HECW2: variants seen among roughly 807,000 people sequenced by gnomAD.
HECW2 encodes E3 ubiquitin-protein ligase HECW2.
Under a neutral mutation model 175.2 loss-of-function variants are expected in HECW2, and 61 were observed. The observed-to-expected ratio is 0.35, with a 90% CI of 0.28 to 0.43. The LOEUF (loss-of-function observed/expected upper bound fraction) is 0.43. HECW2 is among the 20% of genes least tolerant of loss of function. The probability of loss-of-function intolerance (pLI) is 1.00; values close to 1 mark genes in which losing one functional copy is unlikely to be tolerated. For missense variants in HECW2, 1,524 were observed against 2,000.5 expected (o/e 0.76, Z 4.54); for synonymous variants, 671 against 731.0 (o/e 0.92, Z 1.32).
intron 12 of HECW2, 40 bp downstream of exon 12, chr2:196,307,089 CA>C: frequency 7.2e-7 from 1 of 1,386,442 alleles, no homozygotes; most frequent in Non-Finnish European, 1.0e-6. Context: ...CTTCTTTTTC[CA>C]CTTTTATGAA....
intron 1 of HECW2, among the ~76,000 whole-genome samples, chr2:196,521,554 C>T (rs1207693084): frequency 6.6e-6 from 1 of 150,450 alleles, no homozygotes; most frequent in Admixed American, 6.6e-5. Flanking sequence ...CATATGTATA[C>T]ATGTGCCATG....
At chr2:196,344,322 G>GAAAAAAAAAAAAAAAA (rs60573890) in intron 2 of HECW2, among the ~76,000 whole-genome samples, 2 of 67,630 alleles carry the variant, frequency 3.0e-5, no homozygotes, top group Middle Eastern at 0.012. Flanking sequence ...GACAAGATAA[G>GAAAAAAAAAAAAAAAA]AAAAAAAAAA....
At chr2:196,225,974 C>A in intron 22 of HECW2, 104 bp from the exon 23 acceptor site, 1 of 700,564 alleles carries the variant, frequency 1.4e-6, no homozygotes, top group Non-Finnish European at 2.6e-6. Flanking sequence ...CTAAATTTTT[C>A]CAATATTAAT....
At chr2:196,227,294 G>A (rs1317488455) in intron 22 of HECW2, among the ~76,000 whole-genome samples, 1 of 132,186 alleles carries the variant, frequency 7.6e-6, no homozygotes, top group Non-Finnish European at 1.7e-5. Context: ...TGCTGTCAGG[G>A]AAAATGAACA....
chr2:196,447,143 T>C (rs1404594259), intron 1 of HECW2, among the ~76,000 whole-genome samples: 1 of 152,050 alleles, frequency 6.6e-6, no homozygotes, highest in Non-Finnish European at 1.5e-5. Context: ...CTTCAAATAC[T>C]GGGATAAAAA....
At chr2:196,256,617 T>C (rs1451878731) in intron 18 of HECW2, among the ~76,000 whole-genome samples, 3 of 152,246 alleles carry the variant, frequency 2.0e-5, no homozygotes, top group Non-Finnish European at 2.9e-5. Flanking sequence ...TAGCTTTCTA[T>C]AGTGAAGAAA....
chr2:196,206,183 T>G (rs889449434), intron 28 of HECW2, among the ~76,000 whole-genome samples: 1 of 152,228 alleles, frequency 6.6e-6, no homozygotes, highest in Non-Finnish European at 1.5e-5. Context: ...TTTCAAATCT[T>G]TCAAAGCCAG....
chr2:196,243,129 G>T (rs542805465), intron 19 of HECW2, among the ~76,000 whole-genome samples: 1 of 151,552 alleles, frequency 6.6e-6, no homozygotes, highest in East Asian at 1.9e-4. Context: ...CACAAAGTGC[G>T]CACTTGCACA....
chr2:196,365,049 GATT>G (rs1349345993), intron 2 of HECW2, among the ~76,000 whole-genome samples: 1 of 152,192 alleles, frequency 6.6e-6, no homozygotes, highest in Non-Finnish European at 1.5e-5. Flanking sequence ...AAGCCCACCT[GATT>G]ATTACAGTTT....
intron 1 of HECW2, among the ~76,000 whole-genome samples, chr2:196,434,727 C>A (rs536637170): frequency 2.0e-5 from 3 of 152,286 alleles, no homozygotes; most frequent in South Asian, 4.1e-4. Context: ...TGGTACCTGC[C>A]ACCATCTTCA....
At chr2:196,328,326 T>C (rs1692230218) in intron 5 of HECW2, among the ~76,000 whole-genome samples, 1 of 152,178 alleles carries the variant, frequency 6.6e-6, no homozygotes, top group South Asian at 2.1e-4. Context: ...CAAACCTAGA[T>C]ATTTTTTAAA....
intron 1 of HECW2, among the ~76,000 whole-genome samples, chr2:196,559,728 TGAGCACTCTGGCTTATGGCTAG>T (rs1689932939): frequency 6.6e-6 from 1 of 152,338 alleles, no homozygotes; most frequent in East Asian, 1.9e-4. Context: ...GGAAAGGTTT[TGAGCACTCTGGCTTATGGCTAG>T]TAAAATGACT....
At chr2:196,266,975 C>T (rs1239036887) in intron 17 of HECW2, among the ~76,000 whole-genome samples, 1 of 152,156 alleles carries the variant, frequency 6.6e-6, no homozygotes, top group Non-Finnish European at 1.5e-5. Flanking sequence ...TCTTGACTCC[C>T]AAGTTACTGA....
rs149816485 is a variant in HECW2, at chr2:196,242,179, A to G, written c.3555T>C (p.Ala1185=). 112 of 1,614,164 alleles carry G rather than the reference A, an allele frequency of 6.9e-5. No homozygotes were observed. In the African/African-American group the frequency reaches 1.2e-3, roughly 18 times the overall value. Residue 1185 remains alanine, a synonymous_variant, in exon 20 of 29, where the codon GCT becomes GCC. Coordinates refer to ENST00000644978, the MANE Select transcript of HECW2 (RefSeq NM_001348768.2). ...SPGTQRANAR[A]PAPYKRDFEA... is the part of the protein sequence containing the mutation. ...CGAAATCCCGCTTGTAAGGGGCTGG[A>G]GCCCGGGCATTGGCACGCTGGGTAC...
At chr2:196,561,582 G>A (rs78049236) in intron 1 of HECW2, among the ~76,000 whole-genome samples, 5,332 of 152,204 alleles carry the variant, frequency 0.035, 308 homozygotes, top group African/African-American at 0.12. Flanking sequence ...GGAACCTGCT[G>A]ACATGTGATG....
chr2:196,375,172 A>G (rs923880223), intron 2 of HECW2, among the ~76,000 whole-genome samples: 4 of 98,456 alleles, frequency 4.1e-5, no homozygotes, highest in African/African-American at 8.7e-5. Flanking sequence ...AAAAAAAAAG[A>G]AAGAAAAAAA....
At chr2:196,312,130 C>T (rs1351413830) in intron 10 of HECW2, among the ~76,000 whole-genome samples, 14 of 151,710 alleles carry the variant, frequency 9.2e-5, no homozygotes, top group African/African-American at 2.4e-5. Flanking sequence ...AATCAGACCT[C>T]GGTCTCCACT....
At chr2:196,550,069 G>A (rs1689559359) in intron 1 of HECW2, among the ~76,000 whole-genome samples, 1 of 152,230 alleles carries the variant, frequency 6.6e-6, no homozygotes, top group African/African-American at 2.4e-5. Flanking sequence ...TCTTGTTGGA[G>A]TTTCAACAGA....
At chr2:196,286,330 C>T (rs777833684) in intron 14 of HECW2, among the ~76,000 whole-genome samples, 1 of 147,938 alleles carries the variant, frequency 6.8e-6, no homozygotes, top group East Asian at 1.9e-4. Context: ...AGTAGAAGTG[C>T]ATTACCATGA....
Sources: allele counts gnomAD v4.1 joint callset (sites outside exome capture counted in the v4.1 genomes callset), GRCh38; gene constraint gnomAD v4.1.1; transcripts MANE v1.5; gene names NCBI Gene and HGNC (gene_info 2026-07-23, HGNC 2026-07-21).